The following KIF21A variants were observed in gnomAD, a reference collection of about 807,000 sequenced individuals.
KIF21A encodes kinesin-like protein KIF21A.
KIF21A carries 114 observed loss-of-function variants against 202.9 expected under a neutral mutation model. That is an observed-to-expected ratio of 0.56 (90% CI 0.48 to 0.66). The LOEUF (loss-of-function observed/expected upper bound fraction) is 0.66, where lower values mean the gene tolerates loss of function less well. Among genes scored for constraint, KIF21A ranks in the 30% least tolerant of loss-of-function variants. KIF21A has a pLI of 0.00. For missense variants in KIF21A, 1,677 were observed against 1,994.9 expected, an observed-to-expected ratio of 0.84 and a Z score of 3.04; for synonymous variants, 667 against 670.8, an observed-to-expected ratio of 0.99 and a Z score of 0.09.
chr12:39,312,243 C>T (rs1944104800), intron 31 of KIF21A: 1 of 151,820 alleles, frequency 6.6e-6, no homozygotes. Context: ...AACTGGAGAT[C>T]ATTATGTTAA....
intron 37 of KIF21A, among the ~76,000 whole-genome samples, chr12:39,298,431 C>T (rs546115058): frequency 1.5e-4 from 23 of 152,224 alleles, no homozygotes; most frequent in Non-Finnish European, 2.5e-4. Context: ...TGAAAACCTC[C>T]CAGAGTTCAT....
chr12:39,296,797 G>A (rs772080894), intron 37 of KIF21A, among the ~76,000 whole-genome samples: 12 of 152,198 alleles, frequency 7.9e-5, no homozygotes, highest in Non-Finnish European at 1.6e-4. Flanking sequence ...AGGCAAGGGC[G>A]ATAATAGATG....
chr12:39,427,060 G>C (rs1418945061), intron 1 of KIF21A, among the ~76,000 whole-genome samples: 1 of 152,010 alleles, frequency 6.6e-6, no homozygotes, highest in East Asian at 1.9e-4. Context: ...GACATGCAAG[G>C]CTCTCCCAGC....
At chr12:39,438,363 A>G (rs934105211) in intron 1 of KIF21A, among the ~76,000 whole-genome samples, 1 of 152,192 alleles carries the variant, frequency 6.6e-6, no homozygotes, top group African/African-American at 2.4e-5. Flanking sequence ...AGTTTGACTA[A>G]CAACAACTAA....
chr12:39,357,735 C>A (rs1340598718), intron 8 of KIF21A, among the ~76,000 whole-genome samples: 2 of 151,236 alleles, frequency 1.3e-5, no homozygotes, highest in Non-Finnish European at 2.9e-5. Context: ...CGTGGTGAAA[C>A]CCCATCTCTA....
intron 10 of KIF21A, among the ~76,000 whole-genome samples, chr12:39,353,270 C>T (rs1267237999): frequency 6.6e-6 from 1 of 152,080 alleles, no homozygotes; most frequent in African/African-American, 2.4e-5. Context: ...AGTGATCCTC[C>T]CACCTCAGCC....
intron 1 of KIF21A, among the ~76,000 whole-genome samples, chr12:39,395,055 GT>G (rs1468551791): frequency 1.3e-5 from 2 of 152,036 alleles, no homozygotes; most frequent in African/African-American, 4.8e-5. Context: ...TATTAGCTCA[GT>G]TCAAAGCCAT....
chr12:39,322,925 T>C, intron 26 of KIF21A, 43 bp from the exon 27 acceptor site: 1 of 1,439,954 alleles, frequency 6.9e-7, no homozygotes, highest in South Asian at 1.2e-5. Context: ...AGCAAACTCT[T>C]GCATAGAAGC....
At chr12:39,346,022 TAAA>T (rs1303853352) in intron 12 of KIF21A, among the ~76,000 whole-genome samples, 2 of 151,970 alleles carry the variant, frequency 1.3e-5, no homozygotes, top group Non-Finnish European at 2.9e-5. Context: ...TTATACCAAA[TAAA>T]GAAGAGAGAG....
Position 39,322,800 on chromosome 12 carries a change from G to C in KIF21A, c.3539C>G (p.Ala1180Gly), listed in dbSNP as rs575286430. Residue 1180 changes from alanine (A) to glycine (G), a missense_variant, in exon 27 of 38, where the codon GCC becomes GGC. By Grantham distance (60) the Ala-to-Gly change is moderately conservative. This residue lies in a region of KIF21A where 705 missense variants were observed against 791.9 expected (regional missense o/e 0.89). Transcript: ENST00000361418. ...AGGTGTGAGAGGGCCAGGCAAGGAG[G>C]CATCTCCTGTACTAGTGTCTGAAGC... ...ELASDTSTGDASLPGPLTPVA... is the reference protein window; with the variant it reads ...ELASDTSTGDGSLPGPLTPVA... 2 of 1,614,042 alleles carry C rather than the reference G, an allele frequency of 1.2e-6. No homozygotes were observed. Among genetic ancestry groups the C allele is most frequent in the African/African-American group, 1.3e-5 (1 of 75,028 alleles).
At chr12:39,434,960 T>C (rs1242649990) in intron 1 of KIF21A, among the ~76,000 whole-genome samples, 1 of 152,184 alleles carries the variant, frequency 6.6e-6, no homozygotes, top group East Asian at 1.9e-4. Context: ...CTTCATCATA[T>C]TGAGAGATCT....
intron 1 of KIF21A, among the ~76,000 whole-genome samples, chr12:39,440,064 T>C (rs1939352870): frequency 6.6e-6 from 1 of 152,168 alleles, no homozygotes; most frequent in Non-Finnish European, 1.5e-5. Context: ...GAGGAACCCT[T>C]CTCAAACTGA....
rs1002148747 is a variant in KIF21A, at chr12:39,367,068, G to T, written c.697C>A (p.His233Asn). ...GGACACACTCTGGTTTGACACACAT[G>T]AATGGTAAAAATGGCATGTGAACGA... Reference protein sequence around the residue: ...SSRSHAIFTIHVCQTRVCPQI... With the variant: ...SSRSHAIFTINVCQTRVCPQI... The change falls in exon 5 of 38, where the codon CAT (histidine) becomes AAT (asparagine). Residue 233 changes from histidine to asparagine, a missense_variant. Physicochemically the swap from His to Asn is moderately conservative, Grantham distance 68 (BLOSUM62 1). This residue lies in a region of KIF21A where 966 missense variants were observed against 1,180.9 expected (regional missense o/e 0.82). Coordinates refer to ENST00000361418, the MANE Select transcript of KIF21A (RefSeq NM_001173464.2). The T allele has an allele frequency of 6.2e-7, 1 of 1,613,740 alleles. No individual in the cohort carries two copies. The highest frequency in any genetic ancestry group is 8.5e-7 in the Non-Finnish European group (1 of 1,179,666).
chr12:39,413,453 G>T (rs1466034639), intron 1 of KIF21A, among the ~76,000 whole-genome samples: 1 of 152,134 alleles, frequency 6.6e-6, no homozygotes, highest in East Asian at 1.9e-4. Flanking sequence ...GTTCCTTGGG[G>T]ACAACAAGAA....
intron 1 of KIF21A, among the ~76,000 whole-genome samples, chr12:39,374,838 C>G (rs1338584404): frequency 1.3e-5 from 2 of 152,072 alleles, no homozygotes; most frequent in Non-Finnish European, 2.9e-5. Flanking sequence ...TTAATTAATC[C>G]TTCAAGAAAA....
intron 36 of KIF21A, among the ~76,000 whole-genome samples, chr12:39,302,322 TTTC>T (rs2137137131): frequency 6.7e-6 from 1 of 149,794 alleles, no homozygotes; most frequent in African/African-American, 2.6e-5. Flanking sequence ...AATATTTATG[TTTC>T]TTGTTTGTTT....
intron 1 of KIF21A, among the ~76,000 whole-genome samples, chr12:39,377,647 C>T (rs1039696440): frequency 2.0e-5 from 3 of 152,126 alleles, no homozygotes; most frequent in Admixed American, 6.5e-5. Flanking sequence ...TAAAATGGAT[C>T]TTTAATTACA....
chr12:39,341,719 TA>T, intron 13 of KIF21A, 97 bp from the exon 14 acceptor site: 6 of 1,330,466 alleles, frequency 4.5e-6, no homozygotes, highest in South Asian at 2.6e-5. Context: ...TACGGAAACA[TA>T]AAAAAATTCA....
intron 1 of KIF21A, among the ~76,000 whole-genome samples, chr12:39,415,067 G>A (rs1319822136): frequency 1.3e-5 from 2 of 151,428 alleles, no homozygotes; most frequent in African/African-American, 4.8e-5. Flanking sequence ...AATGAAGTTA[G>A]TCTAAACGCA....
Sources: allele counts gnomAD v4.1 joint callset (sites outside exome capture counted in the v4.1 genomes callset), GRCh38; gene constraint gnomAD v4.1.1; regional missense constraint gnomAD v4.1.1; transcripts MANE v1.5; gene names NCBI Gene and HGNC (gene_info 2026-07-23, HGNC 2026-07-21).